HMCN1: variants seen among roughly 807,000 people sequenced by gnomAD.
The protein encoded by HMCN1 is hemicentin 1.
In HMCN1, 321 loss-of-function variants were observed where a neutral mutation model predicts 625.9. The ratio of observed to expected loss-of-function variants is 0.51; its 90% CI spans 0.47 to 0.56. The LOEUF (loss-of-function observed/expected upper bound fraction) is 0.56. HMCN1 is among the 20% of genes least tolerant of loss of function. The pLI, the probability that HMCN1 is intolerant of heterozygous loss-of-function variation, is 0.00. For missense variants in HMCN1, 6,588 were observed against 6,887.3 expected, an observed-to-expected ratio of 0.96 and a Z score of 1.54; for synonymous variants, 2,425 against 2,417.6, an observed-to-expected ratio of 1.00 and a Z score of -0.09.
intron 11 of HMCN1, among the ~76,000 whole-genome samples, chr1:185,934,224 C>T (rs1394753659): frequency 6.6e-6 from 1 of 151,884 alleles, no homozygotes; most frequent in Non-Finnish European, 1.5e-5. Flanking sequence ...AACTAACTTG[C>T]CTTTTATTGT....
rs1415842822 is a variant in HMCN1, at chr1:185,845,943, G to A, written c.269-83G>A. ...TTAATAAGTAACCATGTACTGCAAG[G>A]TGAAAAGACATCTATAAACACAAGA... is the stretch of plus-strand genomic sequence containing the variant. On this transcript the variant is annotated intron_variant, in intron 1 of 106. Transcript: ENST00000271588. 1.5e-5 allele frequency: 13 copies of A among 852,548 alleles called. No homozygotes were observed. The African/African-American group carries it at 2.0e-4, about 13-fold the overall frequency. 52.8% of individuals were successfully genotyped at this position (852,548 alleles called of 1,614,324 possible). A position where few individuals can be genotyped will look rare whatever the true frequency, so the allele number is the denominator to read the frequency against.
Position 186,088,146 on chromosome 1 carries a change from G to A in HMCN1, c.9447G>A (p.Val3149=). ...TGTTTGTTTGTTTGTTTTTTACAGTGCCACCCAGTATTGAAGGACCTGAAA... is the reference window on the plus strand; with the variant it reads ...TGTTTGTTTGTTTGTTTTTTACAGTACCACCCAGTATTGAAGGACCTGAAA... ...DDKNFHLNVY[V]PPSIEGPERE... is the part of the protein sequence containing the mutation. The change falls in exon 62 of 107, where the codon GTG becomes GTA. Residue 3149 remains valine (V), a splice_region_variant and synonymous_variant. Transcript: ENST00000271588. 4 of 1,606,114 alleles carry A rather than the reference G, an allele frequency of 2.5e-6. No homozygotes were observed. Among genetic ancestry groups the A allele is most frequent in the Non-Finnish European group, 3.4e-6 (4 of 1,175,424 alleles).
Position 186,187,997 on chromosome 1 carries a change from A to G in HMCN1, c.16529A>G (p.Asp5510Gly). ...CCCTGTCCACCCAACTACCAACGGGATCCTGTTTCAGGGTATGTCTTGCCT... is the reference window on the plus strand; with the variant it reads ...CCCTGTCCACCCAACTACCAACGGGGTCCTGTTTCAGGGTATGTCTTGCCT... ...DTPCPPNYQR[D>G]PVSGFCLKNC... Residue 5510 changes from aspartate to glycine, a missense_variant, in exon 106 of 107, where the codon GAT (aspartate) becomes GGT (glycine). Around this residue, in one of 3 missense-constraint regions of HMCN1, gnomAD observed 1,954 missense variants for 2,013.1 expected, o/e 0.97. Transcript: ENST00000271588. 1 of 1,613,822 alleles carries G rather than the reference A, an allele frequency of 6.2e-7. No individual in the cohort carries two copies. Among genetic ancestry groups the G allele is most frequent in the Non-Finnish European group, 8.5e-7 (1 of 1,179,776 alleles).
chr1:186,128,638 C>T (rs906500155), intron 83 of HMCN1, among the ~76,000 whole-genome samples: 2 of 151,926 alleles, frequency 1.3e-5, no homozygotes, highest in South Asian at 2.1e-4. Context: ...TTAAGATGGC[C>T]GCTGTTGGAG....
At chr1:185,915,202 AG>A (rs1666634792) in intron 6 of HMCN1, among the ~76,000 whole-genome samples, 1 of 152,122 alleles carries the variant, frequency 6.6e-6, no homozygotes, top group African/African-American at 2.4e-5. Context: ...GTTAAAAAGA[AG>A]TAACTGGAAA....
chr1:185,805,649 A>C (rs6676629), intron 1 of HMCN1, among the ~76,000 whole-genome samples: 7,639 of 152,190 alleles, frequency 0.05, 593 homozygotes, highest in African/African-American at 0.17. Flanking sequence ...CTTTTTGCAA[A>C]TTTATTCTGG....
At chr1:186,048,927 G>T in intron 42 of HMCN1, 88 bp downstream of exon 42, 1 of 782,544 alleles carries the variant, frequency 1.3e-6, no homozygotes, top group Admixed American at 1.8e-5. Flanking sequence ...AACTAAAACT[G>T]ATTATAATAG....
chr1:186,028,185 C>A (rs11581389), intron 36 of HMCN1, among the ~76,000 whole-genome samples: 2,421 of 152,216 alleles, frequency 0.016, 20 homozygotes, highest in Middle Eastern at 0.041. Context: ...CAAAATCTAG[C>A]ACACAATGTG....
At chr1:186,156,032 C>G (rs1571431410) in intron 97 of HMCN1, among the ~76,000 whole-genome samples, 2 of 152,142 alleles carry the variant, frequency 1.3e-5, no homozygotes, top group Non-Finnish European at 2.9e-5. Context: ...CTGGTCTGCA[C>G]TCTTGCTTTT....
chr1:185,993,374 A>T, intron 23 of HMCN1, 65 bp downstream of exon 23: 1 of 1,581,994 alleles, frequency 6.3e-7, no homozygotes, highest in Non-Finnish European at 8.7e-7. Context: ...CCGTAATCCT[A>T]GTTTATTTGA....
At chr1:186,180,585 C>T (rs549469608) in intron 104 of HMCN1, among the ~76,000 whole-genome samples, 1 of 152,190 alleles carries the variant, frequency 6.6e-6, no homozygotes, top group Non-Finnish European at 1.5e-5. Context: ...GCTGCAGTTT[C>T]ATCATAGTAG....
chr1:186,154,551 C>A (rs1024116803), intron 97 of HMCN1, among the ~76,000 whole-genome samples: 10 of 152,132 alleles, frequency 6.6e-5, no homozygotes, highest in African/African-American at 2.4e-4. Flanking sequence ...ACAATGTGTC[C>A]AAATGCTTTT....
In HMCN1 at chr1:186,137,665, C is replaced by T. The variant is rs773386403; in HGVS notation, c.13750C>T (p.Pro4584Ser). 2.5e-6 allele frequency: 4 copies of T among 1,613,884 alleles called. No homozygotes were observed. In the East Asian group the frequency reaches 8.9e-5, roughly 36 times the overall value. ...EMRNCQNKPC[P>S]VDGSWSEWSL... ...GCGAAACTGTCAAAATAAGCCTTGT[C>T]CAGGTACACCTCCTTATTTAACTGA... Residue 4584 changes from proline to serine, a missense_variant, in exon 88 of 107, where the codon CCA becomes TCA. Physicochemically the swap from Pro to Ser is moderately conservative, Grantham distance 74. Coordinates refer to ENST00000271588, the MANE Select transcript of HMCN1 (RefSeq NM_031935.3).
At chr1:185,772,802 A>G (rs1029134714) in intron 1 of HMCN1, among the ~76,000 whole-genome samples, 1 of 152,136 alleles carries the variant, frequency 6.6e-6, no homozygotes, top group Non-Finnish European at 1.5e-5. Context: ...TCCAAGGTCA[A>G]GGTGTTGGCA....
chr1:185,963,647 A>G lies in HMCN1; in HGVS notation c.1971-121A>G, dbSNP rs1247250945. On this transcript the variant is annotated intron_variant, in intron 12 of 106. Coordinates refer to ENST00000271588, the MANE Select transcript of HMCN1 (RefSeq NM_031935.3). Reference sequence around the variant, plus strand: ...AATAATGATGGTAACCATTTCTGCAATCGACACCAAAAATATAACTCTACA... The same window carrying G: ...AATAATGATGGTAACCATTTCTGCAGTCGACACCAAAAATATAACTCTACA... The G allele has an allele frequency of 1.4e-5, 10 of 727,966 alleles. No homozygotes were observed. The African/African-American group carries it at 1.6e-4, about 12-fold the overall frequency. The allele number at this position is 727,966 out of a possible 1,614,324, so 45.1% of individuals were successfully genotyped here.
chr1:186,178,313 CA>C, intron 103 of HMCN1, 102 bp from the exon 104 acceptor site: 1 of 858,878 alleles, frequency 1.2e-6, no homozygotes. Flanking sequence ...TGGAGGGTAA[CA>C]ATGTCTTCAG....
chr1:185,908,325 C>CA (rs1666213185), intron 4 of HMCN1, among the ~76,000 whole-genome samples: 1 of 151,786 alleles, frequency 6.6e-6, no homozygotes. Flanking sequence ...ACCTAAATTT[C>CA]AAAAAATGTT....
intron 104 of HMCN1, among the ~76,000 whole-genome samples, chr1:186,179,591 A>G (rs1426903608): frequency 6.6e-6 from 1 of 152,158 alleles, no homozygotes; most frequent in Non-Finnish European, 1.5e-5. Context: ...CAAAGAAAGA[A>G]CATAGGAGAG....
At chr1:185,993,947 G>A (rs1261361606) in intron 23 of HMCN1, among the ~76,000 whole-genome samples, 1 of 152,078 alleles carries the variant, frequency 6.6e-6, no homozygotes, top group Non-Finnish European at 1.5e-5. Context: ...TGATTATGTG[G>A]TGTGAAGTCA....
Sources: gnomAD v4.1 joint callset for allele counts (sites outside exome capture counted in the v4.1 genomes callset) on GRCh38, gnomAD v4.1.1 for gene constraint, gnomAD v4.1.1 regional missense constraint, MANE v1.5 for transcripts, NCBI Gene and HGNC (gene_info 2026-07-23, HGNC 2026-07-21) for gene names.